AKAP3: variants seen among roughly 807,000 people sequenced by gnomAD.
The protein encoded by AKAP3 is A-kinase anchoring protein 3, also known as A-kinase anchor protein 3.
Under a neutral mutation model 57.2 loss-of-function variants are expected in AKAP3, and 27 were observed. That is an observed-to-expected ratio of 0.47 (90% confidence interval 0.35 to 0.65). The LOEUF (loss-of-function observed/expected upper bound fraction) is 0.65. Ranked by LOEUF, AKAP3 falls within the 30% of genes least tolerant of loss-of-function variation. AKAP3 has a pLI of 0.01. For synonymous variants in AKAP3, 334 were observed against 392.3 expected (o/e 0.85, Z 1.76); for missense variants, 959 against 1,040.0 (o/e 0.92, Z 1.07).
At chr12:4,639,965 T>C (rs1017042599) in intron 3 of AKAP3, among the ~76,000 whole-genome samples, 2 of 151,980 alleles carry the variant, frequency 1.3e-5, no homozygotes, top group Admixed American at 1.3e-4. Context: ...TACAGGCACC[T>C]GCCACAACGC....
chr12:4,620,474 C>CAAAAA (rs35307509), intron 5 of AKAP3, among the ~76,000 whole-genome samples: 58 of 82,450 alleles, frequency 7.0e-4, no homozygotes, highest in East Asian at 3.4e-3. Context: ...GAGACTGTCT[C>CAAAAA]AAAAAAAAAA....
chr12:4,626,363 G>C (rs1395701566), intron 5 of AKAP3, 133 bp downstream of exon 5: 2 of 1,103,638 alleles, frequency 1.8e-6, no homozygotes, highest in Non-Finnish European at 2.5e-6. Flanking sequence ...CTGCCAGGAG[G>C]CATGATCTTC....
rs1453762256 is a variant in AKAP3 at position 4,645,211 on chromosome 12, A to C, written c.-244-19T>G. On this transcript the variant is annotated intron_variant, in intron 1 of 5. Coordinates refer to ENST00000228850, the MANE Select transcript of AKAP3 (RefSeq NM_001278309.2). ...GCTGGGACTGGAGAGTGACATCAGAATCACAATTGGTGATATCACTGTCTC... is the reference window on the plus strand; with the variant it reads ...GCTGGGACTGGAGAGTGACATCAGACTCACAATTGGTGATATCACTGTCTC... 2.0e-5 allele frequency: 3 copies of C among 152,218 alleles called. No homozygotes were observed. The highest frequency in any genetic ancestry group is 4.4e-5 in the Non-Finnish European group (3 of 68,040). 9.4% of individuals were successfully genotyped at this position (152,218 alleles called of 1,614,324 possible).
chr12:4,631,322 C>T (rs1447586707), intron 4 of AKAP3: 3 of 701,594 alleles, frequency 4.3e-6, no homozygotes, highest in Non-Finnish European at 7.8e-6. Flanking sequence ...CCATCTTAAG[C>T]TCACCAACTA....
At chr12:4,640,497 C>T (rs1303025508) in intron 3 of AKAP3, among the ~76,000 whole-genome samples, 3 of 152,126 alleles carry the variant, frequency 2.0e-5, no homozygotes. Flanking sequence ...GGTAGACGTC[C>T]TTCCTCAAAA....
intron 5 of AKAP3, among the ~76,000 whole-genome samples, chr12:4,622,223 C>T (rs1338284217): frequency 6.6e-6 from 1 of 152,108 alleles, no homozygotes; most frequent in Non-Finnish European, 1.5e-5. Flanking sequence ...CTTAAATGTT[C>T]AATGCTATTC....
At chr12:4,641,148 CT>C (rs1945633463) in intron 3 of AKAP3, among the ~76,000 whole-genome samples, 1 of 138,034 alleles carries the variant, frequency 7.2e-6, no homozygotes, top group African/African-American at 2.7e-5. Context: ...TCTCGGCTCA[CT>C]GCAACATCTG....
intron 3 of AKAP3, among the ~76,000 whole-genome samples, chr12:4,641,062 C>CTT (rs374817430): frequency 0.36 from 24,572 of 68,712 alleles, 7,511 homozygotes; most frequent in Non-Finnish European, 0.47. Flanking sequence ...TTCTAACTTC[C>CTT]TTTTTTTTTT....
At chr12:4,638,868 G>A (rs867561044) in intron 3 of AKAP3, among the ~76,000 whole-genome samples, 2 of 152,114 alleles carry the variant, frequency 1.3e-5, no homozygotes, top group African/African-American at 4.8e-5. Flanking sequence ...ATGTGAATTC[G>A]TTCACAACCT....
At chr12:4,642,790 T>C (rs922615946) in intron 2 of AKAP3, among the ~76,000 whole-genome samples, 1 of 152,240 alleles carries the variant, frequency 6.6e-6, no homozygotes, top group Non-Finnish European at 1.5e-5. Flanking sequence ...TTCATCTTGG[T>C]ATGCCTTATA....
chr12:4,616,967 A>G (rs1302038416), intron 5 of AKAP3, among the ~76,000 whole-genome samples: 3 of 152,160 alleles, frequency 2.0e-5, no homozygotes, highest in African/African-American at 7.2e-5. Context: ...CTATACATTC[A>G]AAAAGCTCAG....
In AKAP3 at chr12:4,616,391, T is replaced by C. The variant is rs556927446; in HGVS notation, c.2407-497A>G. Among the ~76,000 whole-genome samples the C allele has an allele frequency of 2.0e-5, 3 of 152,374 alleles. No individual in the cohort carries two copies. The East Asian group carries it at 5.8e-4, about 29-fold the overall frequency. ...CATTGCAGGTATTGGAGCCTATCTT[T>C]AGCTCTTTTTCCAAGTACAAAATGA... is the stretch of plus-strand genomic sequence containing the variant. On this transcript the variant is annotated intron_variant, in intron 5 of 5. Transcript: ENST00000228850.
At chr12:4,618,203 T>C (rs1438054884) in intron 5 of AKAP3, among the ~76,000 whole-genome samples, 1 of 152,178 alleles carries the variant, frequency 6.6e-6, no homozygotes, top group Non-Finnish European at 1.5e-5. Flanking sequence ...ACAAAAAATA[T>C]AACCCAAGTG....
chr12:4,635,795 T>C, intron 4 of AKAP3: 1 of 700,382 alleles, frequency 1.4e-6, no homozygotes, highest in Non-Finnish European at 2.6e-6. Context: ...TGTAGTGTCA[T>C]CAAGACACAC....
At chr12:4,630,593 T>G (rs938567056) in intron 4 of AKAP3, among the ~76,000 whole-genome samples, 1 of 152,230 alleles carries the variant, frequency 6.6e-6, no homozygotes. Flanking sequence ...TTCTCCTAAT[T>G]AGAATAATAG....
chr12:4,633,761 C>A (rs56118230), intron 4 of AKAP3, among the ~76,000 whole-genome samples: 63,507 of 111,526 alleles, frequency 0.57, 17,841 homozygotes, highest in Admixed American at 0.64. Context: ...AGTCAGCTAT[C>A]TACCTTCCTG....
chr12:4,631,094 C>T (rs1945492140), intron 4 of AKAP3, among the ~76,000 whole-genome samples: 1 of 152,154 alleles, frequency 6.6e-6, no homozygotes, highest in Admixed American at 6.5e-5. Context: ...TAGAAGTTTG[C>T]AGACATTCGG....
rs545022317 is a variant in AKAP3, at chr12:4,642,116, T to C, written c.-106-112A>G. On this transcript the variant is annotated intron_variant, in intron 2 of 5. Transcript: ENST00000228850. ...ATTTTTCACATGTGCATTTAAGTAA[T>C]GAGCTCAAAATGACATTCAAATTTC... 2.0e-5 allele frequency: 3 copies of C among 152,352 alleles called. No individual in the cohort carries two copies. In the East Asian group the frequency reaches 5.8e-4, roughly 29 times the overall value. The allele number at this position is 152,352 out of a possible 1,614,324, so 9.4% of individuals were successfully genotyped here.
At chr12:4,623,624 GA>G (rs140278967) in intron 5 of AKAP3, among the ~76,000 whole-genome samples, 2 of 151,808 alleles carry the variant, frequency 1.3e-5, no homozygotes, top group Middle Eastern at 3.4e-3. Flanking sequence ...AAGACACTCA[GA>G]AAAAAATAAC....
Sources: gnomAD v4.1 joint callset for allele counts (sites outside exome capture counted in the v4.1 genomes callset) on GRCh38, gnomAD v4.1.1 for gene constraint, MANE v1.5 for transcripts, NCBI Gene and HGNC (gene_info 2026-07-23, HGNC 2026-07-21) for gene names.